Variants in KCNN2 observed in about 807,000 individuals in gnomAD.
The protein encoded by KCNN2 is potassium calcium-activated channel subfamily N member 2, also known as small conductance calcium-activated potassium channel protein 2.
KCNN2 carries 24 observed loss-of-function variants against 55.5 expected under a neutral mutation model. The observed-to-expected ratio is 0.43, with a 90% CI of 0.31 to 0.61. KCNN2 has a LOEUF of 0.61. KCNN2 is among the 20% of genes least tolerant of loss of function. The pLI, the probability that KCNN2 is intolerant of heterozygous loss-of-function variation, is 0.08. For missense variants in KCNN2, 754 were observed against 853.6 expected (o/e 0.88, Z 1.45); for synonymous variants, 431 against 336.1 (o/e 1.28, Z -3.09).
Position 114,082,476 on chromosome 5 carries a change from C to T in KCNN2, c.-271+25976C>T, listed in dbSNP as rs75065557. ...TAGATGTTGAGAAATAGGAACTCTT[C>T]TGCAGTGTTGGTGGTGATGTAAATT... On this transcript the variant is annotated intron_variant, in intron 1 of 10. Transcript: ENST00000512097. Among the ~76,000 whole-genome samples the T allele has an allele frequency of 6.5e-3, 983 of 152,240 alleles. 13 individuals carry two copies. Among genetic ancestry groups the T allele is most frequent in the African/African-American group, 0.022 (918 of 41,536 alleles).
At chr5:114,310,417 GA>G (rs796235644) in intron 2 of KCNN2, among the ~76,000 whole-genome samples, 1 of 151,990 alleles carries the variant, frequency 6.6e-6, no homozygotes, top group African/African-American at 2.4e-5. Context: ...TTTCTCTATT[GA>G]AAAAAATTAA....
chr5:114,139,492 T>C (rs1752233442), intron 1 of KCNN2, among the ~76,000 whole-genome samples: 1 of 137,582 alleles, frequency 7.3e-6, no homozygotes, highest in Admixed American at 7.9e-5. Context: ...GAAAGGAAAA[T>C]ATATCCATAA....
At chr5:114,078,868 G>A (rs965567141) in intron 1 of KCNN2, among the ~76,000 whole-genome samples, 1 of 152,164 alleles carries the variant, frequency 6.6e-6, no homozygotes, top group Non-Finnish European at 1.5e-5. Flanking sequence ...TCTGCCTGCA[G>A]AGCACCTGCT....
intron 7 of KCNN2, among the ~76,000 whole-genome samples, chr5:114,495,228 G>C (rs754792408): frequency 2.6e-5 from 4 of 152,120 alleles, no homozygotes; most frequent in Admixed American, 6.5e-5. Flanking sequence ...TGGCCAACAA[G>C]GTAGACTGGT....
chr5:114,079,842 TGTGAGAGAGA>T (rs1216474030), intron 1 of KCNN2, among the ~76,000 whole-genome samples: 2 of 144,750 alleles, frequency 1.4e-5, no homozygotes, highest in African/African-American at 5.1e-5. Context: ...TGTGTGTGTG[TGTGAGAGAGA>T]GAGAGAGAGA....
chr5:114,461,489 G>T (rs1397797741), intron 3 of KCNN2, among the ~76,000 whole-genome samples: 1 of 152,094 alleles, frequency 6.6e-6, no homozygotes, highest in African/African-American at 2.4e-5. Context: ...TTTCTCTGGG[G>T]TTCCACTCAC....
At chr5:114,135,455 T>C (rs1274034003) in intron 1 of KCNN2, among the ~76,000 whole-genome samples, 1 of 152,160 alleles carries the variant, frequency 6.6e-6, no homozygotes, top group Non-Finnish European at 1.5e-5. Flanking sequence ...CCAACCCGAC[T>C]CCAAACAGTC....
intron 3 of KCNN2, among the ~76,000 whole-genome samples, chr5:114,443,022 G>C (rs1477945520): frequency 6.6e-6 from 1 of 152,164 alleles, no homozygotes; most frequent in East Asian, 1.9e-4. Flanking sequence ...GCCGGGTGCA[G>C]TGGCTCAAGT....
At position 114,487,239 on chromosome 5, in the gene KCNN2, G is replaced by A. The variant is rs1301654341; in HGVS notation, c.2018+62G>A. The A allele has an allele frequency of 1.1e-5, 16 of 1,430,268 alleles. No homozygotes were observed. The East Asian group carries it at 3.7e-4, about 33-fold the overall frequency. 88.6% of individuals were successfully genotyped at this position (1,430,268 alleles called of 1,614,324 possible). A position where few individuals can be genotyped will look rare whatever the true frequency, so the allele number is the denominator to read the frequency against. Reference sequence around the variant, plus strand: ...TCCTTGGCTTTCAATTTTTGCACTTGTTTATTCTTGTTTCATAAGGAAGGA... The same window carrying A: ...TCCTTGGCTTTCAATTTTTGCACTTATTTATTCTTGTTTCATAAGGAAGGA... On this transcript the variant is annotated intron_variant, in intron 6 of 7. Coordinates refer to ENST00000673685, the MANE Select transcript of KCNN2 (RefSeq NM_021614.4).
At chr5:114,419,612 G>A (rs1318488854) in intron 3 of KCNN2, among the ~76,000 whole-genome samples, 1 of 152,190 alleles carries the variant, frequency 6.6e-6, no homozygotes, top group Non-Finnish European at 1.5e-5. Context: ...GATGATAGGT[G>A]CAAGTACCAT....
intron 2 of KCNN2, among the ~76,000 whole-genome samples, chr5:114,364,516 A>C (rs1418042154): frequency 2.0e-5 from 3 of 152,198 alleles, no homozygotes; most frequent in Non-Finnish European, 4.4e-5. Context: ...CCACCATTAA[A>C]AAAAACTGTT....
intron 2 of KCNN2, among the ~76,000 whole-genome samples, chr5:114,351,428 CTT>C (rs2150040333): frequency 6.6e-6 from 1 of 151,580 alleles, no homozygotes; most frequent in African/African-American, 2.4e-5. Context: ...ATCTGAATAC[CTT>C]TTGTTTCTTT....
intron 1 of KCNN2, among the ~76,000 whole-genome samples, chr5:114,144,529 A>G (rs10478152): frequency 1.3e-5 from 2 of 152,104 alleles, no homozygotes; most frequent in Admixed American, 6.6e-5. Context: ...TGTTAATAAC[A>G]TGGAGAGAGG....
rs1751225297 is a variant in KCNN2, at chr5:114,094,922, T to C, written c.-271+38422T>C. Among the ~76,000 whole-genome samples the C allele has an allele frequency of 3.3e-5, 5 of 152,262 alleles. 2 individuals carry two copies. In the South Asian group the frequency reaches 1.0e-3, roughly 32 times the overall value. On this transcript the variant is annotated intron_variant, in intron 1 of 10. Transcript: ENST00000512097. ...TCCTGCTTTTATATAATATTGGTTT[T>C]CTATTATATATTTTTATATGATAAT... is the stretch of plus-strand genomic sequence containing the variant.
At chr5:114,116,460 C>G (rs935028810) in intron 1 of KCNN2, among the ~76,000 whole-genome samples, 1 of 152,080 alleles carries the variant, frequency 6.6e-6, no homozygotes, top group East Asian at 1.9e-4. Context: ...ATTTTGTGAT[C>G]ATTTGATCAG....
chr5:114,132,440 T>G (rs1752090064), intron 1 of KCNN2, among the ~76,000 whole-genome samples: 1 of 152,216 alleles, frequency 6.6e-6, no homozygotes, highest in African/African-American at 2.4e-5. Flanking sequence ...CAGATGGTTG[T>G]AGATGGGCTA....
At chr5:114,153,229 T>C (rs1439458860) in intron 1 of KCNN2, among the ~76,000 whole-genome samples, 1 of 152,166 alleles carries the variant, frequency 6.6e-6, no homozygotes, top group Non-Finnish European at 1.5e-5. Flanking sequence ...GTTTTGACAG[T>C]GAGGGTGTAG....
chr5:114,304,595 G>T (rs985899706), intron 2 of KCNN2, among the ~76,000 whole-genome samples: 13 of 152,168 alleles, frequency 8.5e-5, no homozygotes, highest in African/African-American at 3.1e-4. Context: ...GCCTCAAAAG[G>T]TGTGGCCTTA....
chr5:114,230,185 A>G lies in KCNN2; in HGVS notation c.-185+8620A>G, dbSNP rs138727224. ...TATAAAGGATAAGTTTAGATTAAGG[A>G]TAAGTATTAGATTATAAAGGATAAG... is the stretch of plus-strand genomic sequence containing the variant. On this transcript the variant is annotated intron_variant, in intron 2 of 10. Transcript: ENST00000512097. Among the ~76,000 whole-genome samples the G allele has an allele frequency of 2.4e-4, 36 of 152,182 alleles. No homozygotes were observed. The East Asian group carries it at 5.4e-3, about 23-fold the overall frequency.
Sources: gnomAD v4.1 joint callset for allele counts (sites outside exome capture counted in the v4.1 genomes callset) on GRCh38, gnomAD v4.1.1 for gene constraint, MANE v1.5 for transcripts, NCBI Gene and HGNC (gene_info 2026-07-23, HGNC 2026-07-21) for gene names.